The following CR2 variants were observed in gnomAD, a reference collection of about 807,000 sequenced individuals.
The protein encoded by CR2 is complement receptor type 2.
In CR2, 96 loss-of-function variants were observed where a neutral mutation model predicts 123.0. The observed-to-expected ratio is 0.78, with a 90% CI of 0.66 to 0.93. The LOEUF (loss-of-function observed/expected upper bound fraction) is 0.93. Among genes scored for constraint, CR2 ranks in the 40% least tolerant of loss-of-function variants. The pLI, the probability that CR2 is intolerant of heterozygous loss-of-function variation, is 0.00. For synonymous variants in CR2, 484 were observed against 469.5 expected (o/e 1.03, Z -0.40); for missense variants, 1,258 against 1,361.0 (o/e 0.92, Z 1.19).
chr1:207,488,294 G>GT (rs927011209), intron 19 of CR2, among the ~76,000 whole-genome samples: 27 of 152,290 alleles, frequency 1.8e-4, no homozygotes, highest in African/African-American at 6.5e-4. Flanking sequence ...GCAAGCTCAT[G>GT]CCTGAGTTTA....
rs1030733127 is a variant in CR2, at chr1:207,469,199, G to T, written c.784G>T (p.Gly262Ter). Residue 262 changes from glycine (G) to a stop codon, truncating the protein, a stop_gained, in exon 5 of 20, where the codon GGA (glycine) becomes TGA (stop). Transcript: ENST00000367057. LOFTEE classifies it high-confidence loss of function. ...PSSRCVIAGQ[G>*]VAWTKMPVCE... ...TAGTCGGTGTGTAATTGCTGGACAG[G>T]GAGTTGCTTGGACCAAAATGCCAGT... 8 of 1,613,756 alleles carry T rather than the reference G, an allele frequency of 5.0e-6. No individual in the cohort carries two copies. Among genetic ancestry groups the T allele is most frequent in the Admixed American group, 3.3e-5 (2 of 59,974 alleles).
intron 1 of CR2, among the ~76,000 whole-genome samples, chr1:207,465,850 C>T (rs1658084907): frequency 6.6e-6 from 1 of 152,184 alleles, no homozygotes; most frequent in African/African-American, 2.4e-5. Context: ...GTGGCTTTTT[C>T]AAAGTGTTCC....
rs970786158 is a variant in CR2 at position 207,479,116 on chromosome 1, G to T, written c.3089-141G>T. On this transcript the variant is annotated intron_variant, in intron 16 of 19. Transcript: ENST00000367057. The stretch of plus-strand genomic sequence containing the variant: ...TAGGATTACAGGCATGTGCCACTGT[G>T]CCTGGCCCCAGTACATCTTTTAAAT... The T allele has an allele frequency of 1.1e-5, 8 of 709,468 alleles. No homozygotes were observed. In the African/African-American group the frequency reaches 1.4e-4, roughly 12 times the overall value. The allele number at this position is 709,468 out of a possible 1,614,324, so 43.9% of individuals were successfully genotyped here.
Position 207,468,863 on chromosome 1 carries a change from G to T in CR2, c.698G>T (p.Arg233Leu), listed in dbSNP as rs149087222. ...NGKVKEPPILRVGVTANFFCD... is the reference protein window; with the variant it reads ...NGKVKEPPILLVGVTANFFCD... ...AAGGTAAAGGAGCCTCCAATTCTCC[G>T]GGTTGGTGTAACTGCAAACTTTTTC... The change falls in exon 4 of 20, where the codon CGG becomes CTG. Residue 233 changes from arginine to leucine, a missense_variant. Physicochemically the swap from Arg to Leu is moderately radical, Grantham distance 102. Coordinates refer to ENST00000367057, the MANE Select transcript of CR2 (RefSeq NM_001006658.3). The T allele has an allele frequency of 1.2e-6, 2 of 1,613,846 alleles. No individual in the cohort carries two copies. The highest frequency in any genetic ancestry group is 1.3e-5 in the African/African-American group (1 of 74,884).
At chr1:207,477,300 C>T (rs1658469291) in intron 15 of CR2, among the ~76,000 whole-genome samples, 1 of 152,036 alleles carries the variant, frequency 6.6e-6, no homozygotes, top group African/African-American at 2.4e-5. Flanking sequence ...CTTTATAAAC[C>T]ATCAGATCTC....
At chr1:207,466,937 T>A in intron 2 of CR2, 25 bp downstream of exon 2, 1 of 1,558,480 alleles carries the variant, frequency 6.4e-7, no homozygotes, top group Non-Finnish European at 8.6e-7. Context: ...AAAGCTGGGT[T>A]GGGAGGTTGG....
At position 207,474,837 on chromosome 1, in the gene CR2, C is replaced by A. The variant is rs552678028; in HGVS notation, c.2337C>A (p.His779Gln). The A allele has an allele frequency of 3.7e-6, 6 of 1,614,014 alleles. No homozygotes were observed. The highest frequency in any genetic ancestry group is 5.1e-6 in the Non-Finnish European group (6 of 1,179,918). ...KIPLCKVIHC[H>Q]PPPVIVNGKH... The stretch of plus-strand genomic sequence containing the variant: ...TCTCTTCTGCAGTTATTCACTGTCA[C>A]CCTCCACCAGTGATTGTCAATGGGA... Residue 779 changes from histidine (H) to glutamine (Q), a missense_variant, in exon 14 of 20, where the codon CAC (histidine) becomes CAA (glutamine). Transcript: ENST00000367057.
rs1445207105 is a variant in CR2, at chr1:207,468,721, C to A, written c.634+6C>A. The A allele has an allele frequency of 6.2e-7, 1 of 1,613,776 alleles. No individual in the cohort carries two copies. The highest frequency in any genetic ancestry group is 8.5e-7 in the Non-Finnish European group (1 of 1,179,854). The stretch of plus-strand genomic sequence containing the variant: ...TGTCCCCCCCACATGTGAAGGTACC[C>A]TAAATTTACAATCTATTTTAAGAAT... On this transcript the variant is annotated splice_donor_region_variant and intron_variant, in intron 3 of 19. Coordinates refer to ENST00000367057, the MANE Select transcript of CR2 (RefSeq NM_001006658.3).
intron 1 of CR2, among the ~76,000 whole-genome samples, chr1:207,457,179 T>A (rs1657853814): frequency 1.3e-5 from 2 of 152,252 alleles, no homozygotes; most frequent in South Asian, 4.1e-4. Flanking sequence ...TCTGCCTTAT[T>A]TCCTGATTTG....
chr1:207,468,314 C>G (rs1658161047), intron 2 of CR2: 1 of 586,646 alleles, frequency 1.7e-6, no homozygotes, highest in Non-Finnish European at 3.0e-6. Flanking sequence ...AACAGAAATT[C>G]ATAAACTTTC....
At chr1:207,481,748 C>A (rs1448143243) in intron 18 of CR2, among the ~76,000 whole-genome samples, 1 of 151,872 alleles carries the variant, frequency 6.6e-6, no homozygotes, top group Non-Finnish European at 1.5e-5. Flanking sequence ...AGCTACATAG[C>A]CATAAAAGTA....
intron 1 of CR2, among the ~76,000 whole-genome samples, chr1:207,465,458 A>C (rs1190546348): frequency 6.6e-6 from 1 of 152,196 alleles, no homozygotes; most frequent in Non-Finnish European, 1.5e-5. Flanking sequence ...TGCTTTGAAC[A>C]TATATATGCC....
chr1:207,484,985 A>T (rs1178262504), intron 18 of CR2, among the ~76,000 whole-genome samples: 2 of 152,230 alleles, frequency 1.3e-5, no homozygotes, highest in African/African-American at 4.8e-5. Context: ...TCTGACTTGA[A>T]CACTTACAAG....
chr1:207,474,166 A>G, intron 12 of CR2, 75 bp from the exon 13 acceptor site: 1 of 1,227,600 alleles, frequency 8.1e-7, no homozygotes, highest in Non-Finnish European at 1.2e-6. Flanking sequence ...CTTATTTAGA[A>G]GTCCCTTTTT....
At chr1:207,486,123 C>T (rs771096787) in intron 19 of CR2, among the ~76,000 whole-genome samples, 16 of 147,630 alleles carry the variant, frequency 1.1e-4, no homozygotes, top group African/African-American at 2.8e-4. Context: ...CCCAGCTACT[C>T]GGGAGGCTGA....
chr1:207,466,423 T>C, intron 1 of CR2, 103 bp from the exon 2 acceptor site: 1 of 1,348,372 alleles, frequency 7.4e-7, no homozygotes, highest in South Asian at 1.2e-5. Context: ...TCTAAGTCTG[T>C]TTCTGAAAAA....
At chr1:207,460,495 T>A (rs141466555) in intron 1 of CR2, among the ~76,000 whole-genome samples, 1 of 152,214 alleles carries the variant, frequency 6.6e-6, no homozygotes, top group Non-Finnish European at 1.5e-5. Flanking sequence ...CTCAGACCTG[T>A]TTGAAAAAGG....
Position 207,454,841 on chromosome 1 carries a change from A to T in CR2, c.58+365A>T. 1 of 234,956 alleles carries T rather than the reference A, an allele frequency of 4.3e-6. No individual in the cohort carries two copies. The highest frequency in any genetic ancestry group is 9.9e-5 in the East Asian group (1 of 10,080). The allele number at this position is 234,956 out of a possible 1,614,324, so 14.6% of individuals were successfully genotyped here. On this transcript the variant is annotated intron_variant, in intron 1 of 19. Transcript: ENST00000367057. This position sits in a 1 kb window ranked among gnomAD's most constrained non-coding sequence, Gnocchi z 4.3. ...GGTCAGCGCTACCGCTCGCCACGGGAAACCTACCCACTGCATGAGGCACCA... is the reference window on the plus strand; with the variant it reads ...GGTCAGCGCTACCGCTCGCCACGGGTAACCTACCCACTGCATGAGGCACCA...
In CR2 at chr1:207,485,799, C is replaced by T. The variant is rs141823879; in HGVS notation, c.*18+227C>T. 4.0e-3 allele frequency among the ~76,000 whole-genome samples: 610 copies of T among 152,124 alleles called. 6 individuals carry two copies. The highest frequency in any genetic ancestry group is 0.027 in the Middle Eastern group (8 of 294). On this transcript the variant is annotated intron_variant, in intron 19 of 19. Transcript: ENST00000367057. ...ACAAATATTAAACTAAATAGCAAAA[C>T]AACTAAGAATAAAATCAATAAGATG...
Sources: gnomAD v4.1 joint callset for allele counts (sites outside exome capture counted in the v4.1 genomes callset) on GRCh38, gnomAD v4.1.1 for gene constraint, Gnocchi (gnomAD v3.1) non-coding constraint, MANE v1.5 for transcripts, NCBI Gene and HGNC (gene_info 2026-07-23, HGNC 2026-07-21) for gene names.